KHDRBS2: variants seen among roughly 807,000 people sequenced by gnomAD.
The protein encoded by KHDRBS2 is KH domain-containing, RNA-binding, signal transduction-associated protein 2.
KHDRBS2 carries 26 observed loss-of-function variants against 44.3 expected under a neutral mutation model. That is an observed-to-expected ratio of 0.59 (90% CI 0.43 to 0.81). KHDRBS2 has a LOEUF of 0.81. Ranked by LOEUF, KHDRBS2 falls within the 40% of genes least tolerant of loss-of-function variation. KHDRBS2 has a pLI of 0.00. For synonymous variants in KHDRBS2, 194 were observed against 151.1 expected, an observed-to-expected ratio of 1.28 and a Z score of -2.08; for missense variants, 476 against 433.1, an observed-to-expected ratio of 1.10 and a Z score of -0.88.
the KHDRBS2 span, among the ~76,000 whole-genome samples, chr6:61,648,776 A>G: frequency 3.3e-5 from 5 of 152,272 alleles, no homozygotes; most frequent in African/African-American, 1.2e-4. Context: ...ATCAAGTGGT[A>G]ATATTTGTAT....
At chr6:62,018,299 A>ATGTG (rs57360690) in intron 3 of KHDRBS2, among the ~76,000 whole-genome samples, 46 of 146,234 alleles carry the variant, frequency 3.1e-4, no homozygotes, top group African/African-American at 7.1e-4. Context: ...ATATATATAT[A>ATGTG]TGTGTGTGTG....
intron 2 of KHDRBS2, among the ~76,000 whole-genome samples, chr6:62,049,553 CTACAT>C (rs1028561607): frequency 2.2e-4 from 33 of 150,734 alleles, no homozygotes; most frequent in African/African-American, 7.8e-4. Context: ...TGTTCGTTGG[CTACAT>C]AAATGTCATC....
chr6:61,819,248 G>T (rs949930786), intron 6 of KHDRBS2, among the ~76,000 whole-genome samples: 3 of 151,692 alleles, frequency 2.0e-5, no homozygotes, highest in Admixed American at 6.6e-5. Flanking sequence ...CAAATGAAGG[G>T]TTAAGAGAAT....
chr6:61,947,100 A>G (rs1052227113), intron 4 of KHDRBS2, among the ~76,000 whole-genome samples: 7 of 152,190 alleles, frequency 4.6e-5, no homozygotes, highest in African/African-American at 1.2e-4. Context: ...TTAAGCATCT[A>G]TCTAAAACTA....
At chr6:61,606,795 T>C in the KHDRBS2 span, among the ~76,000 whole-genome samples, 2 of 152,210 alleles carry the variant, frequency 1.3e-5, no homozygotes, top group African/African-American at 4.8e-5. Flanking sequence ...TGTTTTTCTC[T>C]ACAGGTGCAA....
At chr6:61,715,098 C>T (rs1353304773) in intron 7 of KHDRBS2, among the ~76,000 whole-genome samples, 3 of 151,926 alleles carry the variant, frequency 2.0e-5, no homozygotes, top group Non-Finnish European at 4.4e-5. Flanking sequence ...AAACATCTCT[C>T]TTCTCTCACT....
At chr6:61,947,591 A>G (rs1813627158) in intron 4 of KHDRBS2, among the ~76,000 whole-genome samples, 1 of 152,072 alleles carries the variant, frequency 6.6e-6, no homozygotes, top group Admixed American at 6.6e-5. Context: ...GGAATTGAAA[A>G]TTTTATTCTA....
chr6:61,772,816 G>C (rs1781191983), intron 6 of KHDRBS2, among the ~76,000 whole-genome samples: 1 of 151,962 alleles, frequency 6.6e-6, no homozygotes, highest in African/African-American at 2.4e-5. Flanking sequence ...ACAGTCCCCA[G>C]AGTGTGATGT....
At chr6:62,108,522 C>T (rs1156764648) in intron 2 of KHDRBS2, among the ~76,000 whole-genome samples, 19 of 152,068 alleles carry the variant, frequency 1.2e-4, no homozygotes, top group East Asian at 1.9e-4. Context: ...GTTCAACCAT[C>T]GTGGAAGTCA....
intron 2 of KHDRBS2, among the ~76,000 whole-genome samples, chr6:62,053,905 A>T (rs1203678957): frequency 6.6e-6 from 1 of 152,036 alleles, no homozygotes; most frequent in Non-Finnish European, 1.5e-5. Flanking sequence ...GTATTTTTGT[A>T]TGCCAGCAGC....
rs542813396 is a variant in KHDRBS2, at chr6:61,974,280, CT to C, written c.483+3785del. On this transcript the variant is annotated intron_variant, in intron 4 of 8. Coordinates refer to ENST00000281156, the MANE Select transcript of KHDRBS2 (RefSeq NM_152688.4). ...CAAACTATGGTGTAAATGTTACCCC[CT>C]AGAGTTGCACAAGACACAACTCTCA... Among the ~76,000 whole-genome samples the C allele has an allele frequency of 3.2e-3, 492 of 152,120 alleles. 4 individuals are homozygous for C. The highest frequency in any genetic ancestry group is 0.011 in the African/African-American group (464 of 41,510).
At chr6:61,640,578 C>T in the KHDRBS2 span, among the ~76,000 whole-genome samples, 2 of 152,126 alleles carry the variant, frequency 1.3e-5, no homozygotes, top group South Asian at 4.1e-4. Flanking sequence ...CTCTAAGGAC[C>T]CATCATTGTT....
chr6:61,796,047 CAATT>C (rs1438999094), intron 6 of KHDRBS2, among the ~76,000 whole-genome samples: 2 of 151,980 alleles, frequency 1.3e-5, no homozygotes, highest in African/African-American at 2.4e-5. Context: ...TGACCCCAAT[CAATT>C]GTGTTTCCTC....
At chr6:62,231,071 T>C (rs1253419328) in intron 1 of KHDRBS2, among the ~76,000 whole-genome samples, 1 of 152,156 alleles carries the variant, frequency 6.6e-6, no homozygotes, top group Admixed American at 6.5e-5. Flanking sequence ...TTAGGGGAGA[T>C]TAACAAAAAG....
chr6:61,916,403 T>C (rs1313621893), intron 4 of KHDRBS2, among the ~76,000 whole-genome samples: 3 of 151,840 alleles, frequency 2.0e-5, no homozygotes, highest in Non-Finnish European at 4.4e-5. Flanking sequence ...ATATTTAGAA[T>C]GTAACTGTGG....
At chr6:62,062,599 T>A (rs975826440) in intron 2 of KHDRBS2, among the ~76,000 whole-genome samples, 2 of 149,074 alleles carry the variant, frequency 1.3e-5, no homozygotes, top group African/African-American at 4.9e-5. Context: ...AGACACAACA[T>A]ACCAGAATCT....
intron 7 of KHDRBS2, among the ~76,000 whole-genome samples, chr6:61,730,034 T>C (rs1774190570): frequency 6.6e-6 from 1 of 152,162 alleles, no homozygotes; most frequent in Non-Finnish European, 1.5e-5. Context: ...TCTATTTCTA[T>C]TAGAAATTGG....
At chr6:61,941,897 C>A (rs1245212778) in intron 4 of KHDRBS2, among the ~76,000 whole-genome samples, 6 of 152,050 alleles carry the variant, frequency 3.9e-5, no homozygotes, top group Non-Finnish European at 7.4e-5. Flanking sequence ...TAATAATACT[C>A]CAGCAAAAGA....
intron 6 of KHDRBS2, among the ~76,000 whole-genome samples, chr6:61,834,195 TTC>T (rs1234063579): frequency 2.0e-5 from 3 of 152,004 alleles, no homozygotes; most frequent in Admixed American, 6.6e-5. Flanking sequence ...CTCCAAAAAA[TTC>T]TCTCAGGGTA....
Sources: gnomAD v4.1 joint callset for allele counts (sites outside exome capture counted in the v4.1 genomes callset) on GRCh38, gnomAD v4.1.1 for gene constraint, MANE v1.5 for transcripts, NCBI Gene and HGNC (gene_info 2026-07-23, HGNC 2026-07-21) for gene names.